The following SLC27A6 variants were observed in gnomAD, a reference collection of about 807,000 sequenced individuals.
SLC27A6 encodes the protein solute carrier family 27 member 6, also known as long-chain fatty acid transport protein 6.
Under a neutral mutation model 63.9 loss-of-function variants are expected in SLC27A6, and 74 were observed. The observed-to-expected ratio is 1.16, with a 90% CI of 0.96 to 1.40. The LOEUF is 1.40. SLC27A6 is among the 40% of genes most tolerant of loss of function. The pLI is 0.00. For missense variants in SLC27A6, 794 were observed against 732.9 expected, an observed-to-expected ratio of 1.08 and a Z score of -0.96; for synonymous variants, 287 against 260.8, an observed-to-expected ratio of 1.10 and a Z score of -0.97.
In SLC27A6 at chr5:129,021,761, G is replaced by T. The variant is rs955179838; in HGVS notation, c.1165-1859G>T. 2.6e-5 allele frequency among the ~76,000 whole-genome samples: 4 copies of T among 152,184 alleles called. No individual in the cohort carries two copies. The South Asian group carries it at 6.2e-4, about 24-fold the overall frequency. On this transcript the variant is annotated intron_variant, in intron 5 of 9. Transcript: ENST00000262462. ...ATTTCCAGTTGAGCATTAATCCTCT[G>T]CTCCAGAGTACTTCTAGAAAATGCT...
intron 1 of SLC27A6, among the ~76,000 whole-genome samples, chr5:128,968,975 T>C (rs1750027639): frequency 6.6e-6 from 1 of 152,236 alleles, no homozygotes; most frequent in African/African-American, 2.4e-5. Flanking sequence ...TTCAGCTTTC[T>C]ACATATGGCT....
chr5:128,995,511 G>A (rs1023306629), intron 4 of SLC27A6, among the ~76,000 whole-genome samples: 13 of 152,270 alleles, frequency 8.5e-5, no homozygotes, highest in East Asian at 1.9e-4. Flanking sequence ...AACAGGGTGC[G>A]GTGATGGAGA....
intron 5 of SLC27A6, 84 bp from the exon 6 acceptor site, chr5:129,023,536 A>G: frequency 1.1e-6 from 1 of 870,546 alleles, no homozygotes; most frequent in Non-Finnish European, 1.8e-6. Flanking sequence ...AGTCTACTAC[A>G]GTAGACTAAA....
chr5:128,972,816 A>G (rs11743171), intron 1 of SLC27A6, among the ~76,000 whole-genome samples: 36,621 of 151,990 alleles, frequency 0.24, 4,947 homozygotes, highest in Middle Eastern at 0.33. Flanking sequence ...CATTGCTGGC[A>G]AGTAGCTGTG....
In SLC27A6 at chr5:128,966,443, G is replaced by C. The variant is rs1197089385; in HGVS notation, c.306G>C (p.Leu102=). The change falls in exon 1 of 10, where the codon CTG becomes CTC. Residue 102 remains leucine, a synonymous_variant. Transcript: ENST00000262462. The part of the protein sequence containing the change: ...VAHVFLNHSS[L]KKGDTVALLM... The stretch of plus-strand genomic sequence containing the variant: ...ATGTCTTCCTGAACCATTCCTCTCT[G>C]AAAAAGGGGGACACGGTGGCTCTGC... 1.9e-6 allele frequency: 3 copies of C among 1,604,926 alleles called. No homozygotes were observed. The highest frequency in any genetic ancestry group is 1.3e-5 in the African/African-American group (1 of 74,620).
intron 5 of SLC27A6, among the ~76,000 whole-genome samples, chr5:129,022,672 G>A (rs927708750): frequency 1.3e-5 from 2 of 152,062 alleles, no homozygotes; most frequent in African/African-American, 4.8e-5. Context: ...GAATAAAAAT[G>A]AGGAGGGTTG....
intron 5 of SLC27A6, 67 bp from the exon 6 acceptor site, chr5:129,023,553 G>C: frequency 9.0e-7 from 1 of 1,116,356 alleles, no homozygotes; most frequent in South Asian, 1.3e-5. Context: ...TAAATTGCTT[G>C]TACAAGTAAC....
At chr5:128,975,321 G>A (rs914634296) in intron 1 of SLC27A6, among the ~76,000 whole-genome samples, 9 of 152,272 alleles carry the variant, frequency 5.9e-5, no homozygotes, top group Admixed American at 2.0e-4. Flanking sequence ...ACTACACTCC[G>A]GTCTGGGGAA....
intron 1 of SLC27A6, among the ~76,000 whole-genome samples, chr5:128,981,475 C>T (rs1324633217): frequency 7.0e-6 from 1 of 142,198 alleles, no homozygotes; most frequent in Non-Finnish European, 1.5e-5. Flanking sequence ...AGTGAGACTC[C>T]ATCTCAAAAA....
chr5:129,002,442 A>ATTCTTCCCTCTC (rs1179576533), intron 4 of SLC27A6, among the ~76,000 whole-genome samples: 4 of 99,148 alleles, frequency 4.0e-5, no homozygotes, highest in African/African-American at 1.4e-4. Flanking sequence ...CACTCCCTCC[A>ATTCTTCCCTCTC]TTGTTCCCTC....
Position 129,029,613 on chromosome 5 carries a change from TA to T in SLC27A6, c.1593del (p.Lys531AsnfsTer6). On this transcript the variant is annotated frameshift_variant, in exon 9 of 10. Transcript: ENST00000262462. LOFTEE classifies it high-confidence loss of function. ...EGRAGMASIILKPNTSLDLEK... is the reference protein window; with the variant it reads ...EGRAGMASIIXKPNTSLDLEK... ...AGAGCAGGAATGGCTTCTATTATTT[TA>T]AAACCAAATACATCTTTAGATTTGG... The T allele has an allele frequency of 6.3e-7, 1 of 1,596,874 alleles. No homozygotes were observed. The highest frequency in any genetic ancestry group is 8.5e-7 in the Non-Finnish European group (1 of 1,172,624).
At chr5:128,980,202 G>T (rs911458669) in intron 1 of SLC27A6, among the ~76,000 whole-genome samples, 2 of 152,160 alleles carry the variant, frequency 1.3e-5, no homozygotes, top group Non-Finnish European at 2.9e-5. Flanking sequence ...ACCAACAGTA[G>T]TAGTAATAAC....
rs559269926 is a variant in SLC27A6 at position 128,988,012 on chromosome 5, A to G, written c.686-588A>G. ...ATCATGATATTACAGACTACTGAAA[A>G]CAAATAGAAGATTCCAAAAATGAAA... is the stretch of plus-strand genomic sequence containing the variant. On this transcript the variant is annotated intron_variant, in intron 2 of 9. Transcript: ENST00000262462. Among the ~76,000 whole-genome samples the G allele has an allele frequency of 3.9e-5, 6 of 152,312 alleles. No homozygotes were observed. In the East Asian group the frequency reaches 1.2e-3, roughly 29 times the overall value.
intron 4 of SLC27A6, among the ~76,000 whole-genome samples, chr5:129,009,743 C>T (rs773475800): frequency 3.4e-4 from 52 of 151,938 alleles, no homozygotes; most frequent in Non-Finnish European, 5.1e-4. Context: ...GGCGCGATCT[C>T]GGCTCACTGC....
At chr5:128,986,863 A>G (rs1434992720) in intron 2 of SLC27A6, among the ~76,000 whole-genome samples, 1 of 152,190 alleles carries the variant, frequency 6.6e-6, no homozygotes, top group Non-Finnish European at 1.5e-5. Context: ...CTTATGGTGA[A>G]GCCTTGAAGA....
Position 129,027,290 on chromosome 5 carries a change from C to T in SLC27A6, c.1413C>T (p.Asp471=), listed in dbSNP as rs1752276927. 1 of 1,612,866 alleles carries T rather than the reference C, an allele frequency of 6.2e-7. No homozygotes were observed. Among genetic ancestry groups the T allele is most frequent in the Non-Finnish European group, 8.5e-7 (1 of 1,179,230 alleles). ...NTGDLIVQDQ[D]NFLYFWDRTG... ...GAGACTTAATAGTCCAGGATCAGGA[C>T]AATTTCCTTTATTTTTGGGACCGTA... Residue 471 remains aspartate, a synonymous_variant, in exon 7 of 10, where the codon GAC becomes GAT. Coordinates refer to ENST00000262462, the MANE Select transcript of SLC27A6 (RefSeq NM_001017372.3).
intron 4 of SLC27A6, among the ~76,000 whole-genome samples, chr5:129,006,981 AATATT>A (rs1224142699): frequency 1.3e-5 from 2 of 152,228 alleles, no homozygotes; most frequent in Non-Finnish European, 2.9e-5. Context: ...TACAGCAAAA[AATATT>A]ATATCCTTGT....
intron 4 of SLC27A6, among the ~76,000 whole-genome samples, chr5:128,992,325 G>A (rs1751013694): frequency 6.6e-6 from 1 of 152,060 alleles, no homozygotes; most frequent in Non-Finnish European, 1.5e-5. Context: ...GGTGTGCTGG[G>A]ATATCTTCTC....
chr5:128,970,694 C>G (rs200866791), intron 1 of SLC27A6, among the ~76,000 whole-genome samples: 36,086 of 151,124 alleles, frequency 0.24, 4,849 homozygotes, highest in Middle Eastern at 0.32. Context: ...TTTTGTTGAT[C>G]GTTTCAGAAA....
Sources: gnomAD v4.1 joint callset for allele counts (sites outside exome capture counted in the v4.1 genomes callset) on GRCh38, gnomAD v4.1.1 for gene constraint, MANE v1.5 for transcripts, NCBI Gene and HGNC (gene_info 2026-07-23, HGNC 2026-07-21) for gene names.